TAPT1: variants seen among roughly 807,000 people sequenced by gnomAD.
TAPT1 encodes the protein transmembrane anterior posterior transformation protein 1 homolog.
Under a neutral mutation model 65.6 loss-of-function variants are expected in TAPT1, and 28 were observed. The observed-to-expected ratio is 0.43, with a 90% CI of 0.32 to 0.59. The LOEUF is 0.59. Ranked by LOEUF, TAPT1 falls within the 20% of genes least tolerant of loss-of-function variation. The pLI, the probability that TAPT1 is intolerant of heterozygous loss-of-function variation, is 0.09. For missense variants in TAPT1, 563 were observed against 679.9 expected (o/e 0.83, Z 1.91); for synonymous variants, 278 against 245.2 (o/e 1.13, Z -1.25).
intron 7 of TAPT1, chr4:16,183,262 GA>G (rs1748819981): frequency 6.6e-6 from 1 of 152,016 alleles, no homozygotes; most frequent in African/African-American, 2.4e-5. Flanking sequence ...GTACAATGCG[GA>G]CCACCTTGCA....
intron 8 of TAPT1, among the ~76,000 whole-genome samples, chr4:16,177,619 C>A (rs1219481321): frequency 1.3e-5 from 2 of 152,084 alleles, no homozygotes; most frequent in Non-Finnish European, 2.9e-5. Flanking sequence ...TAGCAAAGGG[C>A]AAGTTTCTTA....
upstream of TAPT1, chr4:16,226,527 C>T (rs1189509031): frequency 5.2e-6 from 5 of 954,102 alleles, 1 homozygote; most frequent in East Asian, 3.9e-4. Flanking sequence ...CCCTCCCCGC[C>T]TCGCCCCGCC....
chr4:16,196,554 G>A, intron 3 of TAPT1: 3 of 476,606 alleles, frequency 6.3e-6, no homozygotes, highest in Non-Finnish European at 7.7e-6. Context: ...TCTTCAGTAT[G>A]TTTCTACCCC....
chr4:16,221,738 T>C (rs1212061923), intron 1 of TAPT1, among the ~76,000 whole-genome samples: 8 of 152,196 alleles, frequency 5.3e-5, no homozygotes. Context: ...TAGGAAAATA[T>C]GAAACATGCA....
At position 16,163,241 on chromosome 4, in the gene TAPT1, ATTTG is replaced by A; in HGVS notation, c.*63_*66del. 1 of 1,110,852 alleles carries A rather than the reference ATTTG, an allele frequency of 9.0e-7. No homozygotes were observed. The highest frequency in any genetic ancestry group is 1.4e-6 in the Non-Finnish European group (1 of 730,284). 68.8% of individuals were successfully genotyped at this position (1,110,852 alleles called of 1,614,324 possible). On this transcript the variant is annotated 3_prime_UTR_variant, in exon 14 of 14. Coordinates refer to ENST00000405303, the MANE Select transcript of TAPT1 (RefSeq NM_153365.3). ...TATTTAAGTGCCATGTTTAGCATCTATTTGTCCTGGCAACACAGCACTTGTTGCC... is the reference window on the plus strand; with the variant it reads ...TATTTAAGTGCCATGTTTAGCATCTATCCTGGCAACACAGCACTTGTTGCC...
chr4:16,209,690 A>G (rs535817758), intron 2 of TAPT1, among the ~76,000 whole-genome samples: 1 of 152,186 alleles, frequency 6.6e-6, no homozygotes, highest in African/African-American at 2.4e-5. Flanking sequence ...GGAAGGAGAG[A>G]TCTGTCTGGA....
upstream of TAPT1, chr4:16,226,887 C>T (rs1034079473): frequency 1.9e-5 from 5 of 262,386 alleles, no homozygotes; most frequent in Non-Finnish European, 3.7e-5. Flanking sequence ...ACCACCGCTG[C>T]CCGCAGTCTG....
At chr4:16,221,406 G>T (rs1002681208) in intron 1 of TAPT1, among the ~76,000 whole-genome samples, 1 of 152,154 alleles carries the variant, frequency 6.6e-6, no homozygotes, top group East Asian at 1.9e-4. Flanking sequence ...GATTACAGGA[G>T]TGAGCCACCG....
upstream of TAPT1, chr4:16,226,769 C>A (rs1751602364): frequency 6.4e-6 from 1 of 155,406 alleles, no homozygotes; most frequent in South Asian, 1.8e-4. Flanking sequence ...TGCGCGGTCC[C>A]GCAGAGCGGG....
At chr4:16,204,458 A>C (rs111359608) in intron 2 of TAPT1, among the ~76,000 whole-genome samples, 1,706 of 152,410 alleles carry the variant, frequency 0.011, 21 homozygotes, top group Non-Finnish European at 0.016. Context: ...ATTCATTCTC[A>C]GCAGCGATTT....
rs763713111 is a variant in TAPT1, at chr4:16,179,554, CTGTTT to C, written c.997+18_997+22del. 7.8e-6 allele frequency: 11 copies of C among 1,409,810 alleles called. 1 individual carries two copies. The highest frequency in any genetic ancestry group is 4.4e-5 in the African/African-American group (3 of 68,040). The allele number at this position is 1,409,810 out of a possible 1,614,324, so 87.3% of individuals were successfully genotyped here. A position where few individuals can be genotyped will look rare whatever the true frequency, so the allele number is the denominator to read the frequency against. On this transcript the variant is annotated intron_variant, in intron 8 of 13. Transcript: ENST00000405303. ...GGCTTAGAAGTAAAATTATAAGACA[CTGTTT>C]TGTTAAGAGTGAGTTACCTGGATTC... is the stretch of plus-strand genomic sequence containing the variant.
intron 3 of TAPT1, among the ~76,000 whole-genome samples, chr4:16,199,862 T>C (rs1749929861): frequency 6.6e-6 from 1 of 152,132 alleles, no homozygotes; most frequent in African/African-American, 2.4e-5. Context: ...AGTTCTAAGA[T>C]GACAGGTGTG....
chr4:16,221,891 C>T (rs527592564), intron 1 of TAPT1, among the ~76,000 whole-genome samples: 3 of 152,322 alleles, frequency 2.0e-5, no homozygotes, highest in Non-Finnish European at 4.4e-5. Flanking sequence ...AATCATACAA[C>T]AGCAATTCTG....
intron 3 of TAPT1, among the ~76,000 whole-genome samples, chr4:16,192,262 AC>A (rs1749421581): frequency 6.6e-6 from 1 of 152,224 alleles, no homozygotes; most frequent in Non-Finnish European, 1.5e-5. Flanking sequence ...GGGCACTGAT[AC>A]AGTGTTTGAT....
intron 1 of TAPT1, chr4:16,214,761 C>G (rs1750838121): frequency 6.6e-6 from 1 of 152,226 alleles, no homozygotes; most frequent in African/African-American, 2.4e-5. Flanking sequence ...TTTTACTCTG[C>G]AGGAGGTAAA....
chr4:16,163,254 A>C lies in TAPT1; in HGVS notation c.*54T>G, dbSNP rs1471906836. 18 of 1,291,982 alleles carry C rather than the reference A, an allele frequency of 1.4e-5. No homozygotes were observed. The highest frequency in any genetic ancestry group is 1.9e-5 in the Non-Finnish European group (17 of 888,036). 80.0% of individuals were successfully genotyped at this position (1,291,982 alleles called of 1,614,324 possible). A position where few individuals can be genotyped will look rare whatever the true frequency, so the allele number is the denominator to read the frequency against. On this transcript the variant is annotated 3_prime_UTR_variant, in exon 14 of 14. Coordinates refer to ENST00000405303, the MANE Select transcript of TAPT1 (RefSeq NM_153365.3). ...TGTTTAGCATCTATTTGTCCTGGCA[A>C]CACAGCACTTGTTGCCCCAGGACCC... is the stretch of plus-strand genomic sequence containing the variant.
intron 11 of TAPT1, among the ~76,000 whole-genome samples, chr4:16,173,528 C>G (rs1385257588): frequency 6.6e-6 from 1 of 152,014 alleles, no homozygotes; most frequent in East Asian, 1.9e-4. Context: ...ACGCCATTCT[C>G]CTGCCTCAGC....
intron 8 of TAPT1, among the ~76,000 whole-genome samples, chr4:16,177,663 T>A (rs1200691233): frequency 6.6e-6 from 1 of 152,076 alleles, no homozygotes; most frequent in Non-Finnish European, 1.5e-5. Flanking sequence ...AACCACAAGG[T>A]TAAGGATAGT....
intron 1 of TAPT1, among the ~76,000 whole-genome samples, chr4:16,214,132 G>A (rs1222300738): frequency 6.6e-6 from 1 of 152,170 alleles, no homozygotes; most frequent in East Asian, 1.9e-4. Flanking sequence ...TAATTATTAA[G>A]GGCTAGAATA....
Sources: gnomAD v4.1 joint callset for allele counts (sites outside exome capture counted in the v4.1 genomes callset) on GRCh38, gnomAD v4.1.1 for gene constraint, MANE v1.5 for transcripts, NCBI Gene and HGNC (gene_info 2026-07-23, HGNC 2026-07-21) for gene names.